Variants in PIAS1 observed in about 807,000 individuals in gnomAD.
PIAS1 encodes protein inhibitor of activated STAT 1.
PIAS1 carries 6 observed loss-of-function variants against 71.3 expected under a neutral mutation model. The observed-to-expected ratio is 0.08, with a 90% CI of 0.05 to 0.17. The LOEUF (loss-of-function observed/expected upper bound fraction) is 0.17, where lower values mean the gene tolerates loss of function less well. Ranked by LOEUF, PIAS1 falls within the 10% of genes least tolerant of loss-of-function variation. PIAS1 has a pLI of 1.00. For missense variants in PIAS1, 555 were observed against 793.6 expected (o/e 0.70, Z 3.61); for synonymous variants, 303 against 292.9 (o/e 1.03, Z -0.35).
intron 1 of PIAS1, among the ~76,000 whole-genome samples, chr15:68,067,637 A>G (rs553699486): frequency 1.6e-3 from 248 of 152,208 alleles, no homozygotes; most frequent in African/African-American, 5.6e-3. Flanking sequence ...ATAGATGCCT[A>G]TGTTGAATTA....
chr15:68,064,690 T>C (rs922766538), intron 1 of PIAS1, among the ~76,000 whole-genome samples: 10 of 152,184 alleles, frequency 6.6e-5, no homozygotes, highest in African/African-American at 1.2e-4. Context: ...CTCTATTTTT[T>C]CCCAACTCTA....
chr15:68,109,113 G>A (rs1013801920), intron 2 of PIAS1, among the ~76,000 whole-genome samples: 3 of 152,124 alleles, frequency 2.0e-5, no homozygotes, highest in African/African-American at 7.2e-5. Flanking sequence ...TGGTCTACTT[G>A]CTGTTTCTCA....
At chr15:68,114,027 CAT>C (rs2092543596) in intron 2 of PIAS1, among the ~76,000 whole-genome samples, 1 of 48,968 alleles carries the variant, frequency 2.0e-5, no homozygotes, top group Non-Finnish European at 5.1e-5. Context: ...GCATATATTT[CAT>C]ACACACACAC....
chr15:68,055,095 G>A (rs566339759), intron 1 of PIAS1: 39 of 465,644 alleles, frequency 8.4e-5, no homozygotes, highest in Non-Finnish European at 1.0e-4. Context: ...CTCGAAGAGT[G>A]TGTCTTTGGA....
chr15:68,163,795 C>G (rs1467124305), intron 7 of PIAS1, among the ~76,000 whole-genome samples: 1 of 152,164 alleles, frequency 6.6e-6, no homozygotes, highest in Non-Finnish European at 1.5e-5. Context: ...ACTGTGTATA[C>G]AGCTACCCAA....
At chr15:68,138,570 G>A (rs1302888605) in intron 2 of PIAS1, among the ~76,000 whole-genome samples, 1 of 152,186 alleles carries the variant, frequency 6.6e-6, no homozygotes, top group Non-Finnish European at 1.5e-5. Flanking sequence ...TGCCTCCCAG[G>A]TTCAAACTAT....
In PIAS1 at chr15:68,186,075, A is replaced by G. The variant is rs1332822123; in HGVS notation, c.1663-1467A>G. Among the ~76,000 whole-genome samples the G allele has an allele frequency of 6.6e-6, 1 of 152,212 alleles. No individual in the cohort carries two copies. Among genetic ancestry groups the G allele is most frequent in the Non-Finnish European group, 1.5e-5 (1 of 68,040 alleles). On this transcript the variant is annotated intron_variant, in intron 13 of 13. Transcript: ENST00000249636. This position sits in a 1 kb window ranked among gnomAD's most constrained non-coding sequence, Gnocchi z 4.4. ...ACTTACAAGCAAACCTATGATAAAA[A>G]AGAAACCAAGCCAAACACCATGGAC...
Position 68,162,568 on chromosome 15 carries a change from A to T in PIAS1, c.935-2163A>T, listed in dbSNP as rs556324734. Among the ~76,000 whole-genome samples, 6 of 152,298 alleles carry T rather than the reference A, an allele frequency of 3.9e-5. No homozygotes were observed. In the East Asian group the frequency reaches 9.7e-4, roughly 25 times the overall value. On this transcript the variant is annotated intron_variant, in intron 7 of 13. Coordinates refer to ENST00000249636, the MANE Select transcript of PIAS1 (RefSeq NM_016166.3). ...ACTATGAAGGCTGAGAATGCCCACA[A>T]TAGATAGGCCATCAGCAAGCTGGAG...
chr15:68,146,844 C>T, intron 6 of PIAS1, 144 bp downstream of exon 6: 1 of 707,846 alleles, frequency 1.4e-6, no homozygotes, highest in South Asian at 2.1e-5. Context: ...AACATGTTTC[C>T]ATTTGAAAAA....
At chr15:68,096,846 C>T (rs940103700) in intron 2 of PIAS1, among the ~76,000 whole-genome samples, 19 of 152,084 alleles carry the variant, frequency 1.2e-4, no homozygotes, top group African/African-American at 4.3e-4. Context: ...CTACATACGT[C>T]ATGTCATCTG....
At position 68,054,523 on chromosome 15, in the gene PIAS1, G is replaced by A. The variant is rs1286731777; in HGVS notation, c.24+173G>A. 7 of 569,504 alleles carry A rather than the reference G, an allele frequency of 1.2e-5. No individual in the cohort carries two copies. Among genetic ancestry groups the A allele is most frequent in the Non-Finnish European group, 2.1e-5 (7 of 340,594 alleles). The allele number at this position is 569,504 out of a possible 1,614,324, so 35.3% of individuals were successfully genotyped here. On this transcript the variant is annotated intron_variant, in intron 1 of 13. Coordinates refer to ENST00000249636, the MANE Select transcript of PIAS1 (RefSeq NM_016166.3). This position sits in a 1 kb window ranked among gnomAD's most constrained non-coding sequence, Gnocchi z 4.6. ...AGCAGAGGGGGCCCGCCTGCGGCGG[G>A]CCGCGGGCCCCGGGTGCCTCGGGGG... is the stretch of plus-strand genomic sequence containing the variant.
intron 1 of PIAS1, among the ~76,000 whole-genome samples, chr15:68,080,288 T>C (rs985969176): frequency 3.3e-5 from 5 of 152,254 alleles, no homozygotes; most frequent in Admixed American, 6.5e-5. Context: ...GTTTATACTT[T>C]GTTTAAAGAA....
At chr15:68,055,434 A>G (rs1276178463) in intron 1 of PIAS1, among the ~76,000 whole-genome samples, 1 of 151,900 alleles carries the variant, frequency 6.6e-6, no homozygotes, top group Non-Finnish European at 1.5e-5. Flanking sequence ...TCCCACCCCA[A>G]TCTTTACCTG....
At chr15:68,140,591 T>C (rs2092763373) in intron 2 of PIAS1, among the ~76,000 whole-genome samples, 1 of 152,222 alleles carries the variant, frequency 6.6e-6, no homozygotes, top group African/African-American at 2.4e-5. Context: ...ACCTAGCCTT[T>C]TAAAGATACT....
At chr15:68,132,983 CTTTTT>C (rs893517412) in intron 2 of PIAS1, among the ~76,000 whole-genome samples, 2 of 142,994 alleles carry the variant, frequency 1.4e-5, no homozygotes, top group Non-Finnish European at 3.1e-5. Context: ...CTTTTCTTTT[CTTTTT>C]TTTTTTCCGA....
chr15:68,076,997 A>G (rs1198866061), intron 1 of PIAS1, among the ~76,000 whole-genome samples: 1 of 152,198 alleles, frequency 6.6e-6, no homozygotes, highest in Non-Finnish European at 1.5e-5. Context: ...GAGCTGAAAA[A>G]CATGAAGTTT....
chr15:68,181,754 C>A (rs1219173259), intron 12 of PIAS1: 1 of 162,240 alleles, frequency 6.2e-6, no homozygotes, highest in African/African-American at 2.4e-5. Context: ...CAGCTCACTA[C>A]AACCTCCGCC....
intron 1 of PIAS1, among the ~76,000 whole-genome samples, chr15:68,057,996 T>G (rs2091914834): frequency 6.6e-6 from 1 of 152,248 alleles, no homozygotes; most frequent in African/African-American, 2.4e-5. Context: ...TGATTAACCT[T>G]GGGTGTCTCC....
At chr15:68,116,222 T>C (rs1451775879) in intron 2 of PIAS1, among the ~76,000 whole-genome samples, 1 of 152,050 alleles carries the variant, frequency 6.6e-6, no homozygotes, top group Non-Finnish European at 1.5e-5. Context: ...AGAATACACA[T>C]GGGCCTAGAG....
Sources: gnomAD v4.1 joint callset for allele counts (sites outside exome capture counted in the v4.1 genomes callset) on GRCh38, gnomAD v4.1.1 for gene constraint, Gnocchi (gnomAD v3.1) non-coding constraint, MANE v1.5 for transcripts, NCBI Gene and HGNC (gene_info 2026-07-23, HGNC 2026-07-21) for gene names.